The following TUBA1B variants were observed in gnomAD, a reference collection of about 807,000 sequenced individuals.
TUBA1B encodes the protein tubulin alpha 1b, also known as tubulin alpha-1B chain.
TUBA1B carries 1 observed loss-of-function variant against 34.4 expected under a neutral mutation model. That is an observed-to-expected ratio of 0.03 (90% confidence interval 0.01 to 0.14). The LOEUF (loss-of-function observed/expected upper bound fraction) is 0.14, where lower values mean the gene tolerates loss of function less well. Ranked by LOEUF, TUBA1B falls within the 10% of genes least tolerant of loss-of-function variation. TUBA1B has a pLI of 1.00. For missense variants in TUBA1B, 54 were observed against 583.6 expected, an observed-to-expected ratio of 0.09 and a Z score of 9.35; for synonymous variants, 197 against 212.5, an observed-to-expected ratio of 0.93 and a Z score of 0.64.
Position 49,131,392 on chromosome 12 carries a change from C to T in TUBA1B, c.-92G>A. 1 of 1,504,024 alleles carries T rather than the reference C, an allele frequency of 6.6e-7. No homozygotes were observed. Among genetic ancestry groups the T allele is most frequent in the Non-Finnish European group, 9.1e-7 (1 of 1,096,992 alleles). 93.2% of individuals were successfully genotyped at this position (1,504,024 alleles called of 1,614,324 possible). On this transcript the variant is annotated 5_prime_UTR_variant, in exon 1 of 4. Coordinates refer to ENST00000336023, the MANE Select transcript of TUBA1B (RefSeq NM_006082.3). ...AAGCTAAGAGTCGAGGTAAGTAACG[C>T]ACTAGGGCGGGGCCGGCGCTGGAGC... is the stretch of plus-strand genomic sequence containing the variant.
intron 1 of TUBA1B, chr12:49,129,931 C>G (rs558191055): frequency 1.9e-6 from 2 of 1,040,606 alleles, no homozygotes; most frequent in East Asian, 5.3e-5. Context: ...CAGGCACAGA[C>G]CACCAAGCTG....
At chr12:49,131,233 G>T in intron 1 of TUBA1B, 65 bp downstream of exon 1, 4 of 1,566,218 alleles carry the variant, frequency 2.6e-6, no homozygotes, top group Non-Finnish European at 3.5e-6. Context: ...CAGGGCCCCA[G>T]CGCCCCGCCG....
In TUBA1B at chr12:49,127,925, A is replaced by G. The variant is rs748276793; in HGVS notation, c.*33T>C. 28 of 1,613,858 alleles carry G rather than the reference A, an allele frequency of 1.7e-5. No homozygotes were observed. Among genetic ancestry groups the G allele is most frequent in the Non-Finnish European group, 2.2e-5 (26 of 1,179,852 alleles). On this transcript the variant is annotated 3_prime_UTR_variant, in exon 4 of 4. Transcript: ENST00000336023. ...AAGCTGAAGCTGAAATTCTGGGAGC[A>G]TGACATGCTGCAGGGCCAAAAGGAA... is the stretch of plus-strand genomic sequence containing the variant.
rs903078649 is a variant in TUBA1B at position 49,129,942 on chromosome 12, G to A, written c.4-220C>T. The A allele has an allele frequency of 5.8e-6, 6 of 1,038,094 alleles. No individual in the cohort carries two copies. In the African/African-American group the frequency reaches 6.5e-5, roughly 11 times the overall value. 64.3% of individuals were successfully genotyped at this position (1,038,094 alleles called of 1,614,324 possible). The stretch of plus-strand genomic sequence containing the variant: ...ACCACAGGCACAGACCACCAAGCTG[G>A]CTAATTTTTTCATTTTTTTTGTGGA... On this transcript the variant is annotated intron_variant, in intron 1 of 3. Coordinates refer to ENST00000336023, the MANE Select transcript of TUBA1B (RefSeq NM_006082.3).
rs11266910 is a variant in TUBA1B, at chr12:49,129,603, G to A, written c.123C>T (p.Thr41=). The stretch of plus-strand genomic sequence containing the variant: ...TGAAGGAGTCATCTCCTCCCCCAAT[G>A]GTCTTGTCACTTGGCATCTGGCCAT... ...QPDGQMPSDK[T]IGGGDDSFNT... Residue 41 remains threonine (T), a synonymous_variant, in exon 2 of 4, where the codon ACC becomes ACT. Coordinates refer to ENST00000336023, the MANE Select transcript of TUBA1B (RefSeq NM_006082.3). The A allele has an allele frequency of 6.2e-7, 1 of 1,614,204 alleles. No homozygotes were observed. The highest frequency in any genetic ancestry group is 8.5e-7 in the Non-Finnish European group (1 of 1,180,038).
rs201583447 is a variant in TUBA1B, at chr12:49,128,657, G to A, written c.657C>T (p.Ile219=). 1.8e-4 allele frequency: 296 copies of A among 1,609,130 alleles called. 2 individuals carry two copies. In the African/African-American group the frequency reaches 3.1e-3, roughly 17 times the overall value. ...IYDICRRNLD[I]ERPTYTNLNR... is the part of the protein sequence containing the mutation. ...TAAGGTTAGTGTAGGTTGGGCGCTC[G>A]ATATCGAGGTTTCTACGACAGATGT... Residue 219 remains isoleucine (I), a synonymous_variant, in exon 4 of 4, where the codon ATC becomes ATT. Coordinates refer to ENST00000336023, the MANE Select transcript of TUBA1B (RefSeq NM_006082.3). The surrounding 1 kb of genome is among the most constrained non-coding windows in gnomAD (Gnocchi z 8.1).
chr12:49,130,246 G>T (rs1941786553), intron 1 of TUBA1B: 1 of 1,288,678 alleles, frequency 7.8e-7, no homozygotes, highest in Non-Finnish European at 1.0e-6. Flanking sequence ...GCCCACTTTA[G>T]ACTAGGTGGT....
At chr12:49,130,098 G>C in intron 1 of TUBA1B, 1 of 1,200,126 alleles carries the variant, frequency 8.3e-7, no homozygotes, top group Middle Eastern at 2.6e-4. Context: ...TATAGTCTAC[G>C]TTGCTTTTAA....
At chr12:49,131,098 C>G in intron 1 of TUBA1B, 200 bp downstream of exon 1, 3 of 574,168 alleles carry the variant, frequency 5.2e-6, no homozygotes, top group Non-Finnish European at 9.2e-6. Context: ...TCCTGGCGCC[C>G]CTCGACCTTT....
chr12:49,131,215 G>T, intron 1 of TUBA1B, 83 bp downstream of exon 1: 1 of 1,528,080 alleles, frequency 6.5e-7, no homozygotes, highest in Non-Finnish European at 8.9e-7. Flanking sequence ...GCCCTTCCCG[G>T]CTGTATACAG....
chr12:49,129,892 C>A, intron 1 of TUBA1B, 170 bp from the exon 2 acceptor site: 3 of 1,234,392 alleles, frequency 2.4e-6, no homozygotes, highest in South Asian at 3.0e-5. Flanking sequence ...GTCATCCCCC[C>A]ACCTCAGCCT....
chr12:49,131,086 A>C, intron 1 of TUBA1B: 1 of 540,976 alleles, frequency 1.8e-6, no homozygotes, highest in Non-Finnish European at 3.3e-6. Flanking sequence ...TCCGAGAAGA[A>C]ATCCTGGCGC....
chr12:49,130,387 G>A, intron 1 of TUBA1B: 2 of 1,285,996 alleles, frequency 1.6e-6, no homozygotes, highest in Non-Finnish European at 2.0e-6. Flanking sequence ...GCGCGCTCTT[G>A]CGCCCCCCGG....
intron 1 of TUBA1B, 98 bp from the exon 2 acceptor site, chr12:49,129,820 A>G: frequency 6.5e-7 from 1 of 1,545,650 alleles, no homozygotes; most frequent in Non-Finnish European, 8.7e-7. Context: ...TTTAGAGATA[A>G]GGTCTGTCGC....
At chr12:49,130,254 G>C in intron 1 of TUBA1B, 2 of 1,288,980 alleles carry the variant, frequency 1.6e-6, no homozygotes, top group Non-Finnish European at 2.0e-6. Flanking sequence ...TAGACTAGGT[G>C]GTCACATTTC....
At chr12:49,129,155 C>T in intron 3 of TUBA1B, 87 bp downstream of exon 3, 1 of 1,607,896 alleles carries the variant, frequency 6.2e-7, no homozygotes, top group Non-Finnish European at 8.5e-7. Context: ...TGGTAGGTGC[C>T]AAAGAATGAA....
At chr12:49,130,102 C>T (rs1941784641) in intron 1 of TUBA1B, 1 of 1,204,862 alleles carries the variant, frequency 8.3e-7, no homozygotes, top group East Asian at 5.5e-5. Context: ...GTCTACGTTG[C>T]TTTTAATGAA....
rs371335051 is a variant in TUBA1B at position 49,131,276 on chromosome 12, G to A, written c.3+22C>T. 1.6e-4 allele frequency: 253 copies of A among 1,607,702 alleles called. 1 individual carries two copies. Among genetic ancestry groups the A allele is most frequent in the Non-Finnish European group, 1.9e-4 (229 of 1,177,498 alleles). On this transcript the variant is annotated intron_variant, in intron 1 of 3. Transcript: ENST00000336023. ...TTTCCCTGCTTCCCTGAAAGCAGCC[G>A]GGAGCCGCACGGCTTACTCACCATA...
At chr12:49,129,982 G>T in intron 1 of TUBA1B, 1 of 996,292 alleles carries the variant, frequency 1.0e-6, no homozygotes, top group Non-Finnish European at 1.4e-6. Context: ...AGGTCTGGCT[G>T]TGTTACCTAG....
Sources: allele counts gnomAD v4.1 joint callset, GRCh38; gene constraint gnomAD v4.1.1; non-coding constraint Gnocchi (gnomAD v3.1); transcripts MANE v1.5; gene names NCBI Gene and HGNC (gene_info 2026-07-23, HGNC 2026-07-21).